SLC8A1: variants seen among roughly 807,000 people sequenced by gnomAD.
SLC8A1 encodes the protein sodium/calcium exchanger 1.
SLC8A1 carries 18 observed loss-of-function variants against 68.3 expected under a neutral mutation model. The ratio of observed to expected loss-of-function variants is 0.26; its 90% CI spans 0.18 to 0.39. SLC8A1 has a LOEUF of 0.39. Ranked by LOEUF, SLC8A1 falls within the 10% of genes least tolerant of loss-of-function variation. The pLI, the probability that SLC8A1 is intolerant of heterozygous loss-of-function variation, is 1.00. For missense variants in SLC8A1, 985 were observed against 1,156.7 expected (o/e 0.85, Z 2.15); for synonymous variants, 475 against 415.5 (o/e 1.14, Z -1.74).
intron 2 of SLC8A1, among the ~76,000 whole-genome samples, chr2:40,339,794 G>A (rs539906503): frequency 2.0e-5 from 3 of 152,140 alleles, no homozygotes; most frequent in Non-Finnish European, 4.4e-5. Flanking sequence ...TAGATGGATG[G>A]ATAGAAAGAC....
chr2:40,243,506 G>T (rs959362115), intron 2 of SLC8A1, among the ~76,000 whole-genome samples: 1 of 152,038 alleles, frequency 6.6e-6, no homozygotes, highest in African/African-American at 2.4e-5. Context: ...AGAAAAGAAA[G>T]ATTTCTCAAG....
intron 2 of SLC8A1, among the ~76,000 whole-genome samples, chr2:40,194,951 C>T (rs1641456): frequency 0.24 from 35,839 of 151,962 alleles, 4,601 homozygotes; most frequent in African/African-American, 0.31. Flanking sequence ...CTAGATTATA[C>T]AGAAGCCAGG....
At chr2:40,435,285 C>T (rs943278681) in intron 1 of SLC8A1, among the ~76,000 whole-genome samples, 1 of 152,178 alleles carries the variant, frequency 6.6e-6, no homozygotes, top group Non-Finnish European at 1.5e-5. Flanking sequence ...GCAAGCACTT[C>T]CAAATGTTTC....
intron 1 of SLC8A1, among the ~76,000 whole-genome samples, chr2:40,464,665 A>G (rs1013507400): frequency 2.0e-5 from 3 of 152,152 alleles, no homozygotes; most frequent in African/African-American, 7.2e-5. Context: ...GGTATTTAAA[A>G]CAGTCTGAGA....
chr2:40,320,573 G>T lies in SLC8A1; in HGVS notation c.1808+107900C>A. Among the ~76,000 whole-genome samples, 2 of 152,058 alleles carry T rather than the reference G, an allele frequency of 1.3e-5. 1 individual carries two copies. The highest frequency in any genetic ancestry group is 3.9e-4 in the East Asian group (2 of 5,172). On this transcript the variant is annotated intron_variant, in intron 2 of 7. Transcript: ENST00000406785. ...ACGTTTATTAAATAACAAGGAAATA[G>T]CTTTCAGCTATATTAGGTATCTTAA...
chr2:40,439,716 T>C (rs1479717182), intron 1 of SLC8A1, among the ~76,000 whole-genome samples: 1 of 152,184 alleles, frequency 6.6e-6, no homozygotes, highest in African/African-American at 2.4e-5. Flanking sequence ...CAGAATCCTA[T>C]CAACTTGAGG....
At position 40,221,087 on chromosome 2, in the gene SLC8A1, A is replaced by G. The variant is rs982974620; in HGVS notation, c.1809-43232T>C. Among the ~76,000 whole-genome samples, 7 of 152,228 alleles carry G rather than the reference A, an allele frequency of 4.6e-5. No individual in the cohort carries two copies. The East Asian group carries it at 1.2e-3, about 25-fold the overall frequency. On this transcript the variant is annotated intron_variant, in intron 2 of 7. Transcript: ENST00000406785. ...AGACACAACAACAACAAAAAAGAAAATTTCAGGCCAATATCCCTGATGAAC... is the reference window on the plus strand; with the variant it reads ...AGACACAACAACAACAAAAAAGAAAGTTTCAGGCCAATATCCCTGATGAAC...
intron 2 of SLC8A1, among the ~76,000 whole-genome samples, chr2:40,417,817 A>G (rs915472094): frequency 6.6e-6 from 1 of 151,694 alleles, no homozygotes; most frequent in Non-Finnish European, 1.5e-5. Context: ...TTAGGAAGCA[A>G]TATGTTTAAA....
intron 7 of SLC8A1, among the ~76,000 whole-genome samples, chr2:40,121,269 T>C (rs1193226635): frequency 6.6e-6 from 1 of 152,152 alleles, no homozygotes; most frequent in Non-Finnish European, 1.5e-5. Flanking sequence ...TACCAAGGCT[T>C]GAGAACCACA....
intron 7 of SLC8A1, among the ~76,000 whole-genome samples, chr2:40,133,383 T>C (rs575291646): frequency 2.1e-3 from 60 of 27,994 alleles, no homozygotes; most frequent in African/African-American, 7.3e-3. Flanking sequence ...AGGTTCTATA[T>C]ACAAAATTGG....
chr2:40,321,277 A>G (rs1021520447), intron 2 of SLC8A1, among the ~76,000 whole-genome samples: 1 of 152,134 alleles, frequency 6.6e-6, no homozygotes, highest in African/African-American at 2.4e-5. Context: ...TTTTTTCTGA[A>G]ATCTCGGTGT....
rs182210287 is a variant in SLC8A1, at chr2:40,104,262, C to T, written c.*10991G>A. The T allele has an allele frequency of 4.6e-5, 7 of 152,180 alleles. No homozygotes were observed. In the East Asian group the frequency reaches 1.4e-3, roughly 29 times the overall value. The allele number at this position is 152,180 out of a possible 1,614,324, so 9.4% of individuals were successfully genotyped here. ...CCTCAAAGTCCAAAAGAGCAACAGG[C>T]AGAGTTAAGAAAATCCAGTGATGAA... is the stretch of plus-strand genomic sequence containing the variant. On this transcript the variant is annotated 3_prime_UTR_variant, in exon 8 of 8. Transcript: ENST00000406785.
At chr2:40,290,954 G>A (rs1472201606) in intron 2 of SLC8A1, among the ~76,000 whole-genome samples, 1 of 152,166 alleles carries the variant, frequency 6.6e-6, no homozygotes, top group African/African-American at 2.4e-5. Flanking sequence ...TTATGCCTAT[G>A]ACAGAAAAGT....
At chr2:40,384,093 T>G (rs765675850) in intron 2 of SLC8A1, among the ~76,000 whole-genome samples, 3 of 148,604 alleles carry the variant, frequency 2.0e-5, no homozygotes, top group Non-Finnish European at 4.4e-5. Flanking sequence ...AGAGCCCATC[T>G]CTACAGTTTT....
chr2:40,269,841 A>C (rs1226555397), intron 2 of SLC8A1, among the ~76,000 whole-genome samples: 1 of 152,028 alleles, frequency 6.6e-6, no homozygotes, highest in African/African-American at 2.4e-5. Context: ...ACACGTGCAC[A>C]ATGTGCAGGT....
At chr2:40,499,506 G>A (rs1348773152) in intron 1 of SLC8A1, among the ~76,000 whole-genome samples, 1 of 152,104 alleles carries the variant, frequency 6.6e-6, no homozygotes, top group Non-Finnish European at 1.5e-5. Flanking sequence ...AGGAACAAGA[G>A]AATTAGAGAG....
At chr2:40,184,441 C>G (rs114224087) in intron 2 of SLC8A1, among the ~76,000 whole-genome samples, 1 of 151,986 alleles carries the variant, frequency 6.6e-6, no homozygotes, top group Non-Finnish European at 1.5e-5. Flanking sequence ...GTTGTTTTCC[C>G]CTCTCAAGAA....
intron 2 of SLC8A1, among the ~76,000 whole-genome samples, chr2:40,224,090 TA>T (rs1221975512): frequency 6.6e-6 from 1 of 152,162 alleles, no homozygotes; most frequent in Non-Finnish European, 1.5e-5. Context: ...GTTCGCTTCG[TA>T]GGGACTCATA....
At chr2:40,459,396 T>C (rs7607870) in intron 1 of SLC8A1, among the ~76,000 whole-genome samples, 6,229 of 152,178 alleles carry the variant, frequency 0.041, 293 homozygotes, top group South Asian at 0.11. Flanking sequence ...AATTTGTTTC[T>C]GCCCTGTACT....
Sources: allele counts gnomAD v4.1 joint callset (sites outside exome capture counted in the v4.1 genomes callset), GRCh38; gene constraint gnomAD v4.1.1; transcripts MANE v1.5; gene names NCBI Gene and HGNC (gene_info 2026-07-23, HGNC 2026-07-21).